RIPK1: variants seen among roughly 807,000 people sequenced by gnomAD.
RIPK1 encodes receptor interacting serine/threonine kinase 1, also known as receptor-interacting serine/threonine-protein kinase 1.
RIPK1 carries 27 observed loss-of-function variants against 62.4 expected under a neutral mutation model. The observed-to-expected ratio is 0.43, with a 90% CI of 0.32 to 0.60. RIPK1 has a LOEUF of 0.60. RIPK1 is among the 20% of genes least tolerant of loss of function. The pLI, the probability that RIPK1 is intolerant of heterozygous loss-of-function variation, is 0.07. For missense variants in RIPK1, 735 were observed against 831.0 expected, an observed-to-expected ratio of 0.88 and a Z score of 1.42; for synonymous variants, 287 against 303.2, an observed-to-expected ratio of 0.95 and a Z score of 0.55.
chr6:3,090,121 C>A (rs1759953774), intron 7 of RIPK1, among the ~76,000 whole-genome samples: 1 of 152,158 alleles, frequency 6.6e-6, no homozygotes, highest in Non-Finnish European at 1.5e-5. Flanking sequence ...CATCTGAGAA[C>A]CTCATTTATG....
chr6:3,075,253 G>A (rs1273234025), intron 1 of RIPK1, among the ~76,000 whole-genome samples: 3 of 152,136 alleles, frequency 2.0e-5, no homozygotes, highest in African/African-American at 7.2e-5. Context: ...GGATATCCTG[G>A]TAGTTGTGTA....
chr6:3,087,239 T>C (rs1394289681), intron 6 of RIPK1, among the ~76,000 whole-genome samples: 2 of 152,172 alleles, frequency 1.3e-5, no homozygotes, highest in Non-Finnish European at 2.9e-5. Flanking sequence ...TTTGCTCAGC[T>C]TCTTAAATCT....
intron 7 of RIPK1, among the ~76,000 whole-genome samples, chr6:3,096,026 A>G (rs1271875843): frequency 6.6e-6 from 1 of 152,122 alleles, no homozygotes; most frequent in Non-Finnish European, 1.5e-5. Flanking sequence ...TTGTAGAGAC[A>G]GGATTTTGCC....
intron 7 of RIPK1, among the ~76,000 whole-genome samples, chr6:3,100,140 G>A (rs927811845): frequency 6.6e-6 from 1 of 152,162 alleles, no homozygotes; most frequent in Admixed American, 6.5e-5. Context: ...TATATATTTT[G>A]GCCTGGTGCA....
chr6:3,073,488 T>G (rs1177696530), intron 1 of RIPK1, among the ~76,000 whole-genome samples: 3 of 152,174 alleles, frequency 2.0e-5, no homozygotes, highest in Admixed American at 2.0e-4. Flanking sequence ...CTATGGCTCC[T>G]GGTCTCTTAC....
intron 1 of RIPK1, among the ~76,000 whole-genome samples, chr6:3,070,001 C>T (rs1417793814): frequency 1.3e-5 from 2 of 151,712 alleles, no homozygotes; most frequent in African/African-American, 2.4e-5. Context: ...CAGAGGGAGA[C>T]TCTGTATCAA....
intron 7 of RIPK1, among the ~76,000 whole-genome samples, chr6:3,094,325 G>C (rs1760168277): frequency 6.6e-6 from 1 of 152,134 alleles, no homozygotes; most frequent in South Asian, 2.1e-4. Flanking sequence ...AATTTAAAAG[G>C]ATTGTAATCA....
chr6:3,085,205 C>A, intron 5 of RIPK1, 54 bp from the exon 6 acceptor site: 1 of 1,602,604 alleles, frequency 6.2e-7, no homozygotes, highest in South Asian at 1.1e-5. Context: ...CAAGTTCTGT[C>A]ACCTTCCTGC....
At chr6:3,067,734 G>A (rs1192554707), upstream of RIPK1, among the ~76,000 whole-genome samples, 1 of 94,466 alleles carries the variant, frequency 1.1e-5, no homozygotes, top group East Asian at 2.7e-4. Context: ...ATGTAATCCT[G>A]TTGTGCTTTT....
chr6:3,098,849 G>A (rs1760449634), intron 7 of RIPK1, among the ~76,000 whole-genome samples: 1 of 152,248 alleles, frequency 6.6e-6, no homozygotes, highest in Admixed American at 6.5e-5. Flanking sequence ...AAGCCTGACA[G>A]CTCTGGCAGC....
At chr6:3,076,376 T>C (rs139722852) in intron 1 of RIPK1, among the ~76,000 whole-genome samples, 2 of 152,222 alleles carry the variant, frequency 1.3e-5, no homozygotes, top group East Asian at 1.9e-4. Flanking sequence ...TTTTTAAAAA[T>C]GATCTTTTCT....
At chr6:3,086,828 C>T (rs539194578) in intron 6 of RIPK1, among the ~76,000 whole-genome samples, 1 of 152,330 alleles carries the variant, frequency 6.6e-6, no homozygotes, top group South Asian at 2.1e-4. Flanking sequence ...CAGTCCCTCT[C>T]TCCTCACTGG....
chr6:3,078,366 C>T (rs1196269368), intron 3 of RIPK1, among the ~76,000 whole-genome samples: 1 of 152,178 alleles, frequency 6.6e-6, no homozygotes, highest in Non-Finnish European at 1.5e-5. Flanking sequence ...GAGCAAGACC[C>T]TGTCTCTGAA....
At chr6:3,096,985 C>A (rs1228028181) in intron 7 of RIPK1, among the ~76,000 whole-genome samples, 1 of 152,146 alleles carries the variant, frequency 6.6e-6, no homozygotes, top group Non-Finnish European at 1.5e-5. Context: ...ATTCTCCTAC[C>A]TCAGCCTCCC....
chr6:3,076,095 G>C (rs1759033560), intron 1 of RIPK1, among the ~76,000 whole-genome samples: 1 of 152,100 alleles, frequency 6.6e-6, no homozygotes, highest in African/African-American at 2.4e-5. Context: ...CTCTGTTTCT[G>C]TCCCTAGAGT....
chr6:3,068,581 C>T lies in RIPK1; in HGVS notation c.-141C>T. 1.0e-6 allele frequency: 1 copy of T among 985,386 alleles called. No homozygotes were observed. The highest frequency in any genetic ancestry group is 1.2e-6 in the Non-Finnish European group (1 of 829,988). 61.0% of individuals were successfully genotyped at this position (985,386 alleles called of 1,614,324 possible). A position where few individuals can be genotyped will look rare whatever the true frequency, so the allele number is the denominator to read the frequency against. ...GACTCCAGGGGACCCACAGCTGGGG[C>T]GCCAGAGCGCGGCCATCCGGGCGGG... On this transcript the variant is annotated 5_prime_UTR_variant, in exon 1 of 11. Transcript: ENST00000259808.
At chr6:3,096,287 G>A (rs1199227875) in intron 7 of RIPK1, among the ~76,000 whole-genome samples, 1 of 151,944 alleles carries the variant, frequency 6.6e-6, no homozygotes, top group African/African-American at 2.4e-5. Context: ...ACTGTTCATA[G>A]GTTATAGGAT....
chr6:3,073,435 A>G (rs1758865460), intron 1 of RIPK1, among the ~76,000 whole-genome samples: 1 of 152,088 alleles, frequency 6.6e-6, no homozygotes, highest in Non-Finnish European at 1.5e-5. Context: ...TGAGTCACAG[A>G]GCTAGAGTTC....
chr6:3,085,431 T>C (rs760663479), intron 6 of RIPK1, 23 bp downstream of exon 6: 1 of 1,613,060 alleles, frequency 6.2e-7, no homozygotes, highest in Admixed American at 1.7e-5. Flanking sequence ...TTTCTGACTG[T>C]GTAGGATGCA....
Sources: allele counts gnomAD v4.1 joint callset (sites outside exome capture counted in the v4.1 genomes callset), GRCh38; gene constraint gnomAD v4.1.1; transcripts MANE v1.5; gene names NCBI Gene and HGNC (gene_info 2026-07-23, HGNC 2026-07-21).